ARHGEF7: variants seen among roughly 807,000 people sequenced by gnomAD.
The protein encoded by ARHGEF7 is Rho guanine nucleotide exchange factor 7, also known as PAK-interacting exchange factor beta.
A neutral mutation model predicts 109.8 loss-of-function variants in ARHGEF7; 33 were observed. The ratio of observed to expected loss-of-function variants is 0.30; its 90% CI spans 0.23 to 0.40. The LOEUF (loss-of-function observed/expected upper bound fraction) is 0.40, where lower values mean the gene tolerates loss of function less well. ARHGEF7 is among the 10% of genes least tolerant of loss of function. The probability of loss-of-function intolerance (pLI) is 1.00; values close to 1 mark genes in which losing one functional copy is unlikely to be tolerated. For missense variants in ARHGEF7, 938 were observed against 1,098.5 expected (o/e 0.85, Z 2.07); for synonymous variants, 458 against 424.6 (o/e 1.08, Z -0.97).
intron 21 of ARHGEF7, among the ~76,000 whole-genome samples, chr13:111,302,700 G>T (rs753216113): frequency 1.3e-5 from 2 of 152,160 alleles, no homozygotes; most frequent in Non-Finnish European, 2.9e-5. Context: ...TGTCTCGTCC[G>T]CAGTTTCCAG....
chr13:111,133,812 T>TATATATAAAA (rs1555341569), intron 1 of ARHGEF7, among the ~76,000 whole-genome samples: 3 of 62,568 alleles, frequency 4.8e-5, no homozygotes, highest in Non-Finnish European at 8.3e-5. Flanking sequence ...TATATATATA[T>TATATATAAAA]ATTTATTATA....
At chr13:111,220,450 T>C (rs1430324975) in intron 5 of ARHGEF7, among the ~76,000 whole-genome samples, 1 of 152,242 alleles carries the variant, frequency 6.6e-6, no homozygotes, top group Admixed American at 6.5e-5. Context: ...TTACTTTTCA[T>C]GTATTTCTCC....
chr13:111,292,255 A>G lies in ARHGEF7; in HGVS notation c.2272A>G (p.Ile758Val), dbSNP rs2093312754. Residue 758 changes from isoleucine (I) to valine (V), a missense_variant, in exon 19 of 22, where the codon ATA (isoleucine) becomes GTA (valine). This residue lies in a region of ARHGEF7 where 166 missense variants were observed against 167.3 expected (regional missense o/e 0.99). Coordinates refer to ENST00000646102, the MANE Select transcript of ARHGEF7 (RefSeq NM_001354046.2). ...DLSEDSDYDS[I>V]WTAHSYRMGS... ...CTCGGAAGACTCTGACTATGACAGT[A>G]TATGGACAGCCCATAGTTACAGAAT... The G allele has an allele frequency of 8.7e-6, 14 of 1,614,134 alleles. No individual in the cohort carries two copies. Among genetic ancestry groups the G allele is most frequent in the African/African-American group, 1.3e-5 (1 of 74,948 alleles).
intron 1 of ARHGEF7, among the ~76,000 whole-genome samples, chr13:111,126,554 G>T (rs1566595233): frequency 6.6e-6 from 1 of 151,910 alleles, no homozygotes; most frequent in Non-Finnish European, 1.5e-5. Flanking sequence ...TGTGACAAAG[G>T]TTAAACTTCC....
chr13:111,124,146 A>C (rs1163232069), intron 1 of ARHGEF7, among the ~76,000 whole-genome samples: 5 of 152,030 alleles, frequency 3.3e-5, no homozygotes, highest in Non-Finnish European at 1.5e-5. Context: ...CTTCCTGTGA[A>C]CATTCATTAC....
intron 2 of ARHGEF7, among the ~76,000 whole-genome samples, chr13:111,204,634 T>G (rs2081566146): frequency 1.3e-5 from 2 of 152,258 alleles, no homozygotes; most frequent in Non-Finnish European, 2.9e-5. Flanking sequence ...CCAGTGGCAA[T>G]GTGACCAGCT....
chr13:111,230,443 C>T (rs771391743), intron 5 of ARHGEF7, among the ~76,000 whole-genome samples: 10 of 152,210 alleles, frequency 6.6e-5, no homozygotes, highest in Non-Finnish European at 1.5e-4. Flanking sequence ...TACTAGAAGG[C>T]TTCCTAGGCT....
At chr13:111,245,367 C>G (rs1279604744) in intron 8 of ARHGEF7, among the ~76,000 whole-genome samples, 1 of 152,086 alleles carries the variant, frequency 6.6e-6, no homozygotes, top group Non-Finnish European at 1.5e-5. Context: ...ATGTCACAAT[C>G]TGATTGAGAA....
At chr13:111,210,182 A>G (rs972038068) in intron 4 of ARHGEF7, among the ~76,000 whole-genome samples, 180 bp downstream of exon 4, 8 of 152,190 alleles carry the variant, frequency 5.3e-5, no homozygotes, top group Non-Finnish European at 8.8e-5. Flanking sequence ...GATGATCCAG[A>G]TATTATGCTT....
intron 5 of ARHGEF7, among the ~76,000 whole-genome samples, chr13:111,218,119 G>A (rs1433094903): frequency 1.3e-5 from 2 of 152,072 alleles, no homozygotes; most frequent in Non-Finnish European, 2.9e-5. Context: ...GACGTGAAGA[G>A]AAACATCTCG....
chr13:111,283,110 C>G, intron 15 of ARHGEF7, 29 bp from the exon 16 acceptor site: 1 of 1,559,798 alleles, frequency 6.4e-7, no homozygotes, highest in South Asian at 1.2e-5. Flanking sequence ...CTCATGTTCT[C>G]TGCCCTTCCC....
At chr13:111,164,528 G>C (rs1219073196) in intron 2 of ARHGEF7, among the ~76,000 whole-genome samples, 1 of 152,250 alleles carries the variant, frequency 6.6e-6, no homozygotes, top group Non-Finnish European at 1.5e-5. Context: ...GTTGCCATCA[G>C]AAACTCTTAA....
intron 2 of ARHGEF7, among the ~76,000 whole-genome samples, chr13:111,176,530 G>GCCTGCCACC (rs2078178827): frequency 6.6e-6 from 1 of 152,124 alleles, no homozygotes; most frequent in Non-Finnish European, 1.5e-5. Flanking sequence ...GCTGTGCCCT[G>GCCTGCCACC]TGGGGTGACC....
intron 16 of ARHGEF7, among the ~76,000 whole-genome samples, chr13:111,285,621 C>T (rs1851126330): frequency 6.6e-6 from 1 of 152,222 alleles, no homozygotes; most frequent in South Asian, 2.1e-4. Context: ...GTGCTCCTGG[C>T]ACTCAGAGTC....
chr13:111,262,223 CAAAT>C (rs1289341665), intron 8 of ARHGEF7, among the ~76,000 whole-genome samples: 1 of 152,102 alleles, frequency 6.6e-6, no homozygotes, highest in Non-Finnish European at 1.5e-5. Context: ...AGAGAAGACC[CAAAT>C]AAATAATTTT....
At chr13:111,254,484 T>C (rs1316347733) in intron 8 of ARHGEF7, among the ~76,000 whole-genome samples, 3 of 136,972 alleles carry the variant, frequency 2.2e-5, no homozygotes, top group East Asian at 2.2e-4. Flanking sequence ...AAGGCCGGCC[T>C]CAGAAGAGGA....
intron 4 of ARHGEF7, 119 bp downstream of exon 4, chr13:111,210,121 G>A (rs1487431007): frequency 1.5e-6 from 2 of 1,340,686 alleles, no homozygotes; most frequent in South Asian, 2.8e-5. Flanking sequence ...AAGGTAGCTG[G>A]ACTTCGCCTC....
chr13:111,187,341 C>T (rs989486455), intron 2 of ARHGEF7, among the ~76,000 whole-genome samples: 7 of 152,108 alleles, frequency 4.6e-5, no homozygotes, highest in Non-Finnish European at 1.0e-4. Context: ...TGGTGTGGGC[C>T]TGGGGCTGCC....
chr13:111,133,719 C>T (rs1386587591), intron 1 of ARHGEF7, among the ~76,000 whole-genome samples: 2 of 137,458 alleles, frequency 1.5e-5, no homozygotes, highest in African/African-American at 5.4e-5. Context: ...CCCCAGAGTT[C>T]CTGATTTCGT....
Sources: allele counts gnomAD v4.1 joint callset (sites outside exome capture counted in the v4.1 genomes callset), GRCh38; gene constraint gnomAD v4.1.1; regional missense constraint gnomAD v4.1.1; transcripts MANE v1.5; gene names NCBI Gene and HGNC (gene_info 2026-07-23, HGNC 2026-07-21).